The following ZMYM4 variants were observed in gnomAD, a reference collection of about 807,000 sequenced individuals.
ZMYM4 encodes the protein zinc finger MYM-type protein 4.
ZMYM4 carries 31 observed loss-of-function variants against 183.2 expected under a neutral mutation model. The ratio of observed to expected loss-of-function variants is 0.17; its 90% CI spans 0.13 to 0.23. The LOEUF (loss-of-function observed/expected upper bound fraction) is 0.23. Among genes scored for constraint, ZMYM4 ranks in the 10% least tolerant of loss-of-function variants. The probability of loss-of-function intolerance (pLI) is 1.00; values close to 1 mark genes in which losing one functional copy is unlikely to be tolerated. For synonymous variants in ZMYM4, 592 were observed against 631.2 expected, an observed-to-expected ratio of 0.94 and a Z score of 0.93; for missense variants, 1,273 against 1,840.3, an observed-to-expected ratio of 0.69 and a Z score of 5.64.
chr1:35,371,261 G>T (rs1442291574), intron 7 of ZMYM4, among the ~76,000 whole-genome samples: 1 of 151,916 alleles, frequency 6.6e-6, no homozygotes, highest in Non-Finnish European at 1.5e-5. Flanking sequence ...GACTACAGGT[G>T]CCCGCCACCA....
intron 25 of ZMYM4, 96 bp from the exon 26 acceptor site, chr1:35,407,912 G>A: frequency 6.7e-7 from 1 of 1,499,256 alleles, no homozygotes; most frequent in South Asian, 1.2e-5. Context: ...GCACCGCAGT[G>A]CCTGGAGCAC....
Position 35,408,005 on chromosome 1 carries a change from C to T in ZMYM4, c.3797-3C>T. 2 of 1,614,134 alleles carry T rather than the reference C, an allele frequency of 1.2e-6. No individual in the cohort carries two copies. The highest frequency in any genetic ancestry group is 8.5e-7 in the Non-Finnish European group (1 of 1,179,980). On this transcript the variant is annotated splice_region_variant and splice_polypyrimidine_tract_variant and intron_variant, in intron 25 of 29. Transcript: ENST00000314607. ...GTTTCAGATGTTTTCTACCTTTCCA[C>T]AGTCCGCTCTATCAAGCTGAAGGAA...
intron 1 of ZMYM4, among the ~76,000 whole-genome samples, chr1:35,273,863 A>C (rs1639735842): frequency 6.6e-6 from 1 of 152,192 alleles, no homozygotes; most frequent in Admixed American, 6.5e-5. Flanking sequence ...AAAAGTATTC[A>C]TGGTATAATG....
chr1:35,270,074 G>T (rs1196461310), intron 1 of ZMYM4, among the ~76,000 whole-genome samples: 1 of 152,174 alleles, frequency 6.6e-6, no homozygotes, highest in African/African-American at 2.4e-5. Context: ...TACAGCTGAT[G>T]TTTTGAGTGC....
intron 1 of ZMYM4, among the ~76,000 whole-genome samples, chr1:35,307,521 A>G (rs1362326804): frequency 6.9e-6 from 1 of 145,454 alleles, no homozygotes; most frequent in African/African-American, 2.5e-5. Flanking sequence ...AATTATTTTT[A>G]TTATTATTAT....
chr1:35,412,123 C>A (rs1259032420), intron 26 of ZMYM4, among the ~76,000 whole-genome samples: 1 of 152,070 alleles, frequency 6.6e-6, no homozygotes, highest in African/African-American at 2.4e-5. Context: ...TTGTGATCCG[C>A]CCGCCTTAGC....
chr1:35,325,398 A>T lies in ZMYM4; in HGVS notation c.78A>T (p.Val26=). Residue 26 remains valine, a synonymous_variant, in exon 2 of 30, where the codon GTA becomes GTT. Coordinates refer to ENST00000314607, the MANE Select transcript of ZMYM4 (RefSeq NM_005095.3). ...GTGGTGCAGTTTTTGATGAAATTGT[A>T]GAGAACTGTAAGTACCATTTGAGAA... ...QKSGAVFDEI[V]ENCGGIMDTE... 1.9e-6 allele frequency: 3 copies of T among 1,604,340 alleles called. No individual in the cohort carries two copies. The highest frequency in any genetic ancestry group is 1.1e-5 in the South Asian group (1 of 89,134).
chr1:35,419,202 A>G (rs1335482923), intron 29 of ZMYM4, among the ~76,000 whole-genome samples: 3 of 152,066 alleles, frequency 2.0e-5, no homozygotes, highest in Non-Finnish European at 4.4e-5. Context: ...CTCACTTCCA[A>G]TCCATTGTGA....
At chr1:35,349,973 T>C (rs1312405013) in intron 2 of ZMYM4, among the ~76,000 whole-genome samples, 1 of 151,302 alleles carries the variant, frequency 6.6e-6, no homozygotes, top group Non-Finnish European at 1.5e-5. Flanking sequence ...TTTATATATA[T>C]ATATTTTAAA....
At chr1:35,302,591 T>A (rs891440135) in intron 1 of ZMYM4, among the ~76,000 whole-genome samples, 16 of 151,916 alleles carry the variant, frequency 1.1e-4, no homozygotes, top group Non-Finnish European at 2.1e-4. Context: ...TTCACCATGT[T>A]AGCCAGGATG....
intron 1 of ZMYM4, among the ~76,000 whole-genome samples, chr1:35,323,525 CGTTTTTT>C (rs1021074285): frequency 1.3e-4 from 19 of 150,896 alleles, no homozygotes; most frequent in Non-Finnish European, 2.1e-4. Flanking sequence ...CATTTTTCTT[CGTTTTTT>C]GTTTTTTGTT....
At chr1:35,293,026 G>C (rs1363787016) in intron 1 of ZMYM4, among the ~76,000 whole-genome samples, 1 of 149,640 alleles carries the variant, frequency 6.7e-6, no homozygotes, top group Non-Finnish European at 1.5e-5. Flanking sequence ...TTTGAGACAG[G>C]TTCCTGCTCT....
intron 2 of ZMYM4, among the ~76,000 whole-genome samples, chr1:35,355,093 G>T (rs187615407): frequency 6.6e-6 from 1 of 151,812 alleles, no homozygotes; most frequent in East Asian, 1.9e-4. Context: ...GAGTGCAGTG[G>T]CGCAATCTCG....
intron 1 of ZMYM4, among the ~76,000 whole-genome samples, chr1:35,302,918 A>T (rs1456436544): frequency 1.3e-5 from 2 of 149,982 alleles, no homozygotes; most frequent in Non-Finnish European, 3.0e-5. Flanking sequence ...AGGTGGGAGG[A>T]TTGCTTGAGG....
rs1639445475 is a variant in ZMYM4, at chr1:35,268,980, G to T, written c.-67G>T. On this transcript the variant is annotated 5_prime_UTR_variant, in exon 1 of 30. Coordinates refer to ENST00000314607, the MANE Select transcript of ZMYM4 (RefSeq NM_005095.3). ...GGCCGTGCCTGCAGTGTGGGCGGGG[G>T]CCGGGGGGCCGAGAGGTACCGCCGC... is the stretch of plus-strand genomic sequence containing the variant. 4 of 1,481,678 alleles carry T rather than the reference G, an allele frequency of 2.7e-6. No individual in the cohort carries two copies. Among genetic ancestry groups the T allele is most frequent in the South Asian group, 1.3e-5 (1 of 75,292 alleles). 91.8% of individuals were successfully genotyped at this position (1,481,678 alleles called of 1,614,324 possible). A position where few individuals can be genotyped will look rare whatever the true frequency, so the allele number is the denominator to read the frequency against.
chr1:35,403,118 T>C (rs1349303967), intron 23 of ZMYM4, among the ~76,000 whole-genome samples: 1 of 152,228 alleles, frequency 6.6e-6, no homozygotes, highest in Non-Finnish European at 1.5e-5. Flanking sequence ...CTTGCATCTT[T>C]TGAGGTGATT....
At chr1:35,404,507 C>T (rs1644967489) in intron 23 of ZMYM4, among the ~76,000 whole-genome samples, 1 of 152,100 alleles carries the variant, frequency 6.6e-6, no homozygotes, top group African/African-American at 2.4e-5. Context: ...ATTTTATTTT[C>T]ATTTTCCTTT....
At chr1:35,284,224 C>T (rs1640356021) in intron 1 of ZMYM4, among the ~76,000 whole-genome samples, 2 of 152,104 alleles carry the variant, frequency 1.3e-5, no homozygotes, top group Admixed American at 1.3e-4. Flanking sequence ...GATCCACCTG[C>T]CTCGGCCTCC....
At chr1:35,409,286 A>G (rs539434915) in intron 26 of ZMYM4, among the ~76,000 whole-genome samples, 8 of 152,312 alleles carry the variant, frequency 5.3e-5, no homozygotes, top group African/African-American at 1.4e-4. Flanking sequence ...TTCTTTTGCC[A>G]TATATGCTTA....
Sources: gnomAD v4.1 joint callset for allele counts (sites outside exome capture counted in the v4.1 genomes callset) on GRCh38, gnomAD v4.1.1 for gene constraint, MANE v1.5 for transcripts, NCBI Gene and HGNC (gene_info 2026-07-23, HGNC 2026-07-21) for gene names.